Variants in CUX1 observed in about 807,000 individuals in gnomAD.
CUX1 encodes the protein cut like homeobox 1.
In CUX1, 31 loss-of-function variants were observed where a neutral mutation model predicts 158.8. That is an observed-to-expected ratio of 0.20 (90% CI 0.15 to 0.26). The LOEUF (loss-of-function observed/expected upper bound fraction) is 0.26, where lower values mean the gene tolerates loss of function less well. CUX1 is among the 10% of genes least tolerant of loss of function. The pLI is 1.00. For synonymous variants in CUX1, 879 were observed against 862.1 expected (o/e 1.02, Z -0.34); for missense variants, 1,589 against 2,014.6 (o/e 0.79, Z 4.04).
chr7:102,130,321 T>G (rs1419657245), intron 8 of CUX1, among the ~76,000 whole-genome samples: 3 of 152,168 alleles, frequency 2.0e-5, no homozygotes, highest in African/African-American at 7.2e-5. Flanking sequence ...TCAGTGAGAA[T>G]TAACCCCCAC....
chr7:102,036,509 G>A (rs1821434688), intron 3 of CUX1, among the ~76,000 whole-genome samples: 1 of 151,986 alleles, frequency 6.6e-6, no homozygotes, highest in African/African-American at 2.4e-5. Flanking sequence ...GGAGGCCAAG[G>A]CAGGAGGATC....
intron 3 of CUX1, among the ~76,000 whole-genome samples, chr7:102,054,944 C>T (rs899607932): frequency 1.3e-4 from 19 of 150,770 alleles, no homozygotes; most frequent in African/African-American, 4.6e-4. Flanking sequence ...GCACTCCAAC[C>T]AGAGTGACAG....
In CUX1 at chr7:102,000,438, G is replaced by T. The variant is rs147585138; in HGVS notation, c.142-27660G>T. 8.2e-4 allele frequency among the ~76,000 whole-genome samples: 125 copies of T among 152,334 alleles called. 1 individual carries two copies. In the East Asian group the frequency reaches 0.018, roughly 22 times the overall value. ...CAGGCTTCTTTCTCATCCGCCTCTTGTGGAAGGAAGATCGCATCTTGAGTT... is the reference window on the plus strand; with the variant it reads ...CAGGCTTCTTTCTCATCCGCCTCTTTTGGAAGGAAGATCGCATCTTGAGTT... On this transcript the variant is annotated intron_variant, in intron 2 of 23. Transcript: ENST00000292535.
intron 2 of CUX1, among the ~76,000 whole-genome samples, chr7:101,976,337 T>C (rs1812674526): frequency 6.6e-6 from 1 of 152,214 alleles, no homozygotes; most frequent in Non-Finnish European, 1.5e-5. Flanking sequence ...GGATCTGTTT[T>C]TTCCCCCAGG....
intron 3 of CUX1, among the ~76,000 whole-genome samples, chr7:102,029,486 T>C (rs1820455052): frequency 6.6e-6 from 1 of 152,104 alleles, no homozygotes; most frequent in African/African-American, 2.4e-5. Flanking sequence ...GTTGTCGGGC[T>C]TCCATTTGGG....
chr7:102,045,154 C>T (rs773016764), intron 3 of CUX1, among the ~76,000 whole-genome samples: 3 of 152,240 alleles, frequency 2.0e-5, no homozygotes, highest in Non-Finnish European at 4.4e-5. Flanking sequence ...GACTGCGGCT[C>T]AACATCCAGG....
chr7:102,073,469 A>T (rs923527384), intron 4 of CUX1, among the ~76,000 whole-genome samples: 10 of 152,072 alleles, frequency 6.6e-5, no homozygotes, highest in African/African-American at 2.4e-4. Context: ...CACCATGCCC[A>T]GCCTAGCTGC....
intron 10 of CUX1, among the ~76,000 whole-genome samples, chr7:102,172,309 C>G (rs1791817469): frequency 6.6e-6 from 1 of 152,156 alleles, no homozygotes; most frequent in Non-Finnish European, 1.5e-5. Flanking sequence ...CCAGGCTGGT[C>G]TTGAACTCCT....
At chr7:101,915,044 A>G (rs967743211) in intron 1 of CUX1, among the ~76,000 whole-genome samples, 1 of 152,102 alleles carries the variant, frequency 6.6e-6, no homozygotes, top group Non-Finnish European at 1.5e-5. Flanking sequence ...CTCGCCGTTC[A>G]GCTCTGCTTG....
At chr7:102,064,666 A>T (rs1284337819) in intron 3 of CUX1, among the ~76,000 whole-genome samples, 1 of 151,786 alleles carries the variant, frequency 6.6e-6, no homozygotes, top group Non-Finnish European at 1.5e-5. Context: ...GCTGGTAGCC[A>T]TGTGGACACC....
chr7:101,883,363 G>T (rs1229758511), intron 1 of CUX1, among the ~76,000 whole-genome samples: 1 of 152,156 alleles, frequency 6.6e-6, no homozygotes, highest in East Asian at 1.9e-4. Flanking sequence ...GCATGAGATA[G>T]TAATTGTTGG....
intron 3 of CUX1, among the ~76,000 whole-genome samples, chr7:102,035,652 CAAAAA>C (rs10699446): frequency 1.1e-4 from 10 of 90,634 alleles, no homozygotes; most frequent in African/African-American, 1.8e-4. Context: ...GATAGCCAGC[CAAAAA>C]AAAAAAAAAA....
chr7:101,920,553 G>A lies in CUX1; in HGVS notation c.141+4328G>A, dbSNP rs571209981. 6.6e-5 allele frequency among the ~76,000 whole-genome samples: 10 copies of A among 152,282 alleles called. No individual in the cohort carries two copies. The East Asian group carries it at 7.7e-4, about 12-fold the overall frequency. On this transcript the variant is annotated intron_variant, in intron 2 of 23. Coordinates refer to ENST00000292535, the MANE Select transcript of CUX1 (RefSeq NM_181552.4). ...TAGGATTACAGGCACGAGCCACTGC[G>A]CCCAGTTGAAGGTTTTCTGTTTAGA... is the stretch of plus-strand genomic sequence containing the variant.
At chr7:101,973,771 T>C (rs1585139236) in intron 2 of CUX1, among the ~76,000 whole-genome samples, 1 of 129,340 alleles carries the variant, frequency 7.7e-6, no homozygotes, top group African/African-American at 2.8e-5. Context: ...TTTCTTTTTC[T>C]TTTTTTTTTT....
chr7:102,238,437 T>C (rs1228753084), intron 22 of CUX1, among the ~76,000 whole-genome samples: 3 of 152,218 alleles, frequency 2.0e-5, no homozygotes, highest in African/African-American at 7.2e-5. Flanking sequence ...TATCTCTGTA[T>C]GGCCTGGTTT....
intron 2 of CUX1, among the ~76,000 whole-genome samples, chr7:102,001,430 G>A (rs1167634824): frequency 2.0e-5 from 3 of 152,024 alleles, no homozygotes; most frequent in Non-Finnish European, 2.9e-5. Context: ...TGCATCCTCC[G>A]CCTCCCAAGT....
chr7:102,046,199 AGCTG>A (rs1265684054), intron 3 of CUX1, among the ~76,000 whole-genome samples: 2 of 152,202 alleles, frequency 1.3e-5, no homozygotes, highest in Admixed American at 6.5e-5. Context: ...GTCGGGACAG[AGCTG>A]GCACCCCGGG....
At chr7:102,262,905 G>A (rs1327943691), downstream of CUX1, among the ~76,000 whole-genome samples, 1 of 152,122 alleles carries the variant, frequency 6.6e-6, no homozygotes, top group African/African-American at 2.4e-5. Flanking sequence ...TCACCTTCTT[G>A]TGGGAGGGAC....
intron 2 of CUX1, among the ~76,000 whole-genome samples, chr7:102,006,341 C>T (rs927451661): frequency 1.3e-5 from 2 of 152,126 alleles, no homozygotes; most frequent in Admixed American, 1.3e-4. Flanking sequence ...CCTCGAAGGA[C>T]AACTCTGGAA....
Sources: gnomAD v4.1 joint callset for allele counts (sites outside exome capture counted in the v4.1 genomes callset) on GRCh38, gnomAD v4.1.1 for gene constraint, MANE v1.5 for transcripts, NCBI Gene and HGNC (gene_info 2026-07-23, HGNC 2026-07-21) for gene names.